CDH13: variants seen among roughly 807,000 people sequenced by gnomAD.
The protein encoded by CDH13 is cadherin-13.
In CDH13, 24 loss-of-function variants were observed where a neutral mutation model predicts 63.8. That is an observed-to-expected ratio of 0.38 (90% CI 0.27 to 0.53). CDH13 has a LOEUF of 0.53. Ranked by LOEUF, CDH13 falls within the 20% of genes least tolerant of loss-of-function variation. The pLI, the probability that CDH13 is intolerant of heterozygous loss-of-function variation, is 0.85. For missense variants in CDH13, 1,049 were observed against 903.1 expected, an observed-to-expected ratio of 1.16 and a Z score of -2.07; for synonymous variants, 503 against 355.3, an observed-to-expected ratio of 1.42 and a Z score of -4.67.
chr16:82,800,982 C>T (rs778463775), intron 1 of CDH13, among the ~76,000 whole-genome samples: 1 of 152,144 alleles, frequency 6.6e-6, no homozygotes, highest in Non-Finnish European at 1.5e-5. Context: ...AATAGGAGTT[C>T]TTGAAACTCA....
At chr16:83,216,912 C>G (rs117745630) in intron 4 of CDH13, among the ~76,000 whole-genome samples, 2,286 of 152,104 alleles carry the variant, frequency 0.015, 15 homozygotes, top group Middle Eastern at 0.031. Flanking sequence ...GGGCAGGTGA[C>G]ACTGGATTAG....
chr16:82,692,120 A>G (rs1364103091), intron 1 of CDH13, among the ~76,000 whole-genome samples: 3 of 152,244 alleles, frequency 2.0e-5, no homozygotes, highest in Non-Finnish European at 4.4e-5. Context: ...TGTGGACAGC[A>G]AAGTTATACT....
intron 4 of CDH13, among the ~76,000 whole-genome samples, chr16:83,137,235 C>A (rs906951927): frequency 6.6e-6 from 1 of 152,166 alleles, no homozygotes; most frequent in Non-Finnish European, 1.5e-5. Flanking sequence ...AGTAACTTGT[C>A]CAACTTCATG....
chr16:83,031,532 C>T (rs905280430), intron 2 of CDH13, among the ~76,000 whole-genome samples: 1 of 151,744 alleles, frequency 6.6e-6, no homozygotes, highest in Non-Finnish European at 1.5e-5. Context: ...ATTTAGCCCT[C>T]ATCCCTGTGC....
intron 4 of CDH13, among the ~76,000 whole-genome samples, chr16:83,203,469 G>A (rs2039091137): frequency 1.3e-5 from 2 of 151,874 alleles, no homozygotes. Flanking sequence ...GGCGGATCAT[G>A]AGGTTAGGAG....
In CDH13 at chr16:83,047,364, A is replaced by C. The variant is rs1286038538; in HGVS notation, c.366+15146A>C. Among the ~76,000 whole-genome samples the C allele has an allele frequency of 6.6e-6, 1 of 152,144 alleles. No homozygotes were observed. The highest frequency in any genetic ancestry group is 1.5e-5 in the Non-Finnish European group (1 of 68,040). The stretch of plus-strand genomic sequence containing the variant: ...ACCGTGGTTAACACAGATAATTGAG[A>C]CTTGAGTGCTTTTTTATTCCAAGTC... On this transcript the variant is annotated intron_variant, in intron 3 of 13. Transcript: ENST00000567109. This position sits in a 1 kb window ranked among gnomAD's most constrained non-coding sequence, Gnocchi z 4.9.
At chr16:82,724,602 G>C (rs1340404554) in intron 1 of CDH13, among the ~76,000 whole-genome samples, 2 of 152,188 alleles carry the variant, frequency 1.3e-5, no homozygotes, top group African/African-American at 4.8e-5. Flanking sequence ...CCCACCTAGA[G>C]TAGCTGACTT....
Position 83,743,759 on chromosome 16 carries a change from T to TTTTC in CDH13, c.1539-4346_1539-4345insCTTT, listed in dbSNP as rs1186151365. On this transcript the variant is annotated intron_variant, in intron 10 of 13. Transcript: ENST00000567109. ...CTTTTTTCTTTTTTCTTTTTTTTTT[T>TTTTC]TTTTTTTTCTTTGCTTTTTCCATCC... Among the ~76,000 whole-genome samples, 2 of 132,026 alleles carry TTTTC rather than the reference T, an allele frequency of 1.5e-5. 1 individual carries two copies. The highest frequency in any genetic ancestry group is 5.7e-5 in the African/African-American group (2 of 35,130). 86.6% of individuals were successfully genotyped at this position (132,026 alleles called of 152,430 possible). A position where few individuals can be genotyped will look rare whatever the true frequency, so the allele number is the denominator to read the frequency against.
chr16:83,114,628 G>C (rs1341896724), intron 3 of CDH13, among the ~76,000 whole-genome samples: 1 of 152,186 alleles, frequency 6.6e-6, no homozygotes, highest in Admixed American at 6.5e-5. Context: ...TAGTTTTGCT[G>C]ATATGTGGCC....
intron 1 of CDH13, among the ~76,000 whole-genome samples, chr16:82,717,182 C>G (rs151330926): frequency 6.6e-6 from 1 of 151,940 alleles, no homozygotes; most frequent in African/African-American, 2.4e-5. Flanking sequence ...GAGCCCTGGC[C>G]CAACAAGGCT....
chr16:83,300,372 G>A (rs747805359), intron 5 of CDH13, among the ~76,000 whole-genome samples: 5 of 152,190 alleles, frequency 3.3e-5, no homozygotes, highest in Non-Finnish European at 5.9e-5. Flanking sequence ...TCTTTATATA[G>A]AGCTTTGCAG....
chr16:82,664,986 G>A (rs543530312), intron 1 of CDH13, among the ~76,000 whole-genome samples: 1 of 152,120 alleles, frequency 6.6e-6, no homozygotes, highest in Non-Finnish European at 1.5e-5. Context: ...TCAGTAAAAT[G>A]TATCTGTAGC....
intron 3 of CDH13, among the ~76,000 whole-genome samples, chr16:83,057,660 A>G (rs1409722338): frequency 6.6e-6 from 1 of 151,782 alleles, no homozygotes; most frequent in Non-Finnish European, 1.5e-5. Flanking sequence ...AACCATCTAT[A>G]AACCAGTTTC....
chr16:82,648,492 G>T (rs182187622), intron 1 of CDH13, among the ~76,000 whole-genome samples: 1 of 152,128 alleles, frequency 6.6e-6, no homozygotes, highest in African/African-American at 2.4e-5. Flanking sequence ...TGGTTATAAA[G>T]ATGATGATAA....
chr16:83,040,163 G>A (rs1917212778), intron 3 of CDH13, among the ~76,000 whole-genome samples: 1 of 151,910 alleles, frequency 6.6e-6, no homozygotes. Flanking sequence ...TCTGCTCCAG[G>A]TTCCTCAGCT....
chr16:82,877,261 G>T (rs1192838301), intron 2 of CDH13, among the ~76,000 whole-genome samples: 1 of 152,198 alleles, frequency 6.6e-6, no homozygotes, highest in Non-Finnish European at 1.5e-5. Flanking sequence ...CTGACAAGTA[G>T]GTTATTGTTT....
chr16:83,693,048 A>C (rs1905060668), intron 10 of CDH13, among the ~76,000 whole-genome samples: 1 of 152,216 alleles, frequency 6.6e-6, no homozygotes, highest in African/African-American at 2.4e-5. Flanking sequence ...GCACCACTAC[A>C]CTCCAGCCTG....
At chr16:82,647,031 C>T (rs951327595) in intron 1 of CDH13, among the ~76,000 whole-genome samples, 3 of 152,104 alleles carry the variant, frequency 2.0e-5, no homozygotes, top group South Asian at 2.1e-4. Flanking sequence ...TGCAGTGCCT[C>T]GCAGTACACC....
chr16:83,600,264 C>T (rs1403088979), intron 7 of CDH13, among the ~76,000 whole-genome samples: 4 of 152,112 alleles, frequency 2.6e-5, no homozygotes, highest in Admixed American at 6.5e-5. Context: ...GTGTGACCTT[C>T]GATCCTGGCG....
Sources: allele counts gnomAD v4.1 joint callset (sites outside exome capture counted in the v4.1 genomes callset), GRCh38; gene constraint gnomAD v4.1.1; non-coding constraint Gnocchi (gnomAD v3.1); transcripts MANE v1.5; gene names NCBI Gene and HGNC (gene_info 2026-07-23, HGNC 2026-07-21).